Variants in DAZAP1 observed in about 807,000 individuals in gnomAD.
DAZAP1 encodes the protein DAZ associated protein 1, also known as DAZ-associated protein 1.
Under a neutral mutation model 60.1 loss-of-function variants are expected in DAZAP1, and 6 were observed. The observed-to-expected ratio is 0.10, with a 90% CI of 0.05 to 0.20. The LOEUF is 0.20. Among genes scored for constraint, DAZAP1 ranks in the 10% least tolerant of loss-of-function variants. DAZAP1 has a pLI of 1.00. For synonymous variants in DAZAP1, 235 were observed against 215.9 expected (o/e 1.09, Z -0.78); for missense variants, 366 against 560.4 (o/e 0.65, Z 3.50).
In DAZAP1 at chr19:1,407,783, T is replaced by C; in HGVS notation, c.10T>C (p.Ser4Pro). MNNSGADEIGKLFV... is the reference protein window; with the variant it reads MNNPGADEIGKLFV... ...CGCCGCCGCCGCCGCCATGAACAAC[T>C]CGGGCGCCGACGAGATCGGGTGAGG... The change falls in exon 1 of 12, where the codon TCG becomes CCG. Residue 4 changes from serine to proline, a missense_variant. Transcript: ENST00000233078. 3 of 1,079,184 alleles carry C rather than the reference T, an allele frequency of 2.8e-6. No homozygotes were observed. The highest frequency in any genetic ancestry group is 3.4e-6 in the Non-Finnish European group (3 of 891,456). 66.9% of individuals were successfully genotyped at this position (1,079,184 alleles called of 1,614,324 possible).
In DAZAP1 at chr19:1,423,138, C is replaced by T. The variant is rs1054315754; in HGVS notation, c.463+742C>T. 2.6e-5 allele frequency among the ~76,000 whole-genome samples: 4 copies of T among 152,346 alleles called. No homozygotes were observed. The highest frequency in any genetic ancestry group is 1.9e-4 in the East Asian group (1 of 5,176). On this transcript the variant is annotated intron_variant, in intron 6 of 11. Coordinates refer to ENST00000233078, the MANE Select transcript of DAZAP1 (RefSeq NM_018959.4). The surrounding 1 kb of genome is among the most constrained non-coding windows in gnomAD (Gnocchi z 6.8). The stretch of plus-strand genomic sequence containing the variant: ...CTGCCCGCCACGTCCGTGCCGCCCC[C>T]GCACCACCGGCCCAGGTCAGTCGGG...
intron 1 of DAZAP1, among the ~76,000 whole-genome samples, chr19:1,412,773 G>T (rs116658775): frequency 1.3e-5 from 2 of 152,208 alleles, no homozygotes; most frequent in African/African-American, 4.8e-5. Flanking sequence ...GGGTGGCTGC[G>T]CCGGCCACCG....
chr19:1,407,619 A>AGCCGCCGCCGCCGCCGCCGCCGCCGCC lies in DAZAP1; in HGVS notation c.-138_-112dup, dbSNP rs878911770. On this transcript the variant is annotated 5_prime_UTR_variant, in exon 1 of 12. Transcript: ENST00000233078. ...ACCGTTGGCGCCGAGGGGAGGAGGC[A>AGCCGCCGCCGCCGCCGCCGCCGCCGCC]GCCGCCGCCGCCGCCGCCGCCGCCG... The AGCCGCCGCCGCCGCCGCCGCCGCCGCC allele has an allele frequency of 2.5e-3, 598 of 236,038 alleles. 9 individuals carry two copies. Among genetic ancestry groups the AGCCGCCGCCGCCGCCGCCGCCGCCGCC allele is most frequent in the Admixed American group, 5.4e-3 (78 of 14,320 alleles). The allele number at this position is 236,038 out of a possible 1,614,324, so 14.6% of individuals were successfully genotyped here.
intron 1 of DAZAP1, among the ~76,000 whole-genome samples, chr19:1,415,581 G>A (rs1309526839): frequency 2.6e-5 from 4 of 151,534 alleles, no homozygotes; most frequent in Non-Finnish European, 4.4e-5. Flanking sequence ...CTGACTCAGC[G>A]CGGGCACAGC....
rs144505956 is a variant in DAZAP1 at position 1,431,420 on chromosome 19, C to T, written c.871+1058C>T. On this transcript the variant is annotated intron_variant, in intron 10 of 11. Transcript: ENST00000233078. ...CTGGGATTAGAAGCGTGAGCCACCG[C>T]GCCCGGACTATTTTATTTATTTTTT... Among the ~76,000 whole-genome samples, 647 of 152,106 alleles carry T rather than the reference C, an allele frequency of 4.3e-3. 1 individual carries two copies. The highest frequency in any genetic ancestry group is 5.7e-3 in the Admixed American group (87 of 15,268).
Position 1,435,026 on chromosome 19 carries a change from GGGGA to G in DAZAP1, c.*118_*121del, listed in dbSNP as rs1218831039. Reference sequence around the variant, plus strand: ...GACTCAACCTTGGGGGGGGGGGCGGGGGGAGGGCGCGAGGCTTTTGGAGCGGCTG... The same window carrying G: ...GACTCAACCTTGGGGGGGGGGGCGGGGGGCGCGAGGCTTTTGGAGCGGCTG... On this transcript the variant is annotated 3_prime_UTR_variant, in exon 12 of 12. Transcript: ENST00000233078. The G allele has an allele frequency of 5.7e-6, 1 of 175,808 alleles. No individual in the cohort carries two copies. Among genetic ancestry groups the G allele is most frequent in the African/African-American group, 2.8e-5 (1 of 35,270 alleles). The allele number at this position is 175,808 out of a possible 1,614,324, so 10.9% of individuals were successfully genotyped here.
At chr19:1,430,438 G>C in intron 10 of DAZAP1, 76 bp downstream of exon 10, 1 of 1,360,826 alleles carries the variant, frequency 7.3e-7, no homozygotes, top group Non-Finnish European at 9.8e-7. Flanking sequence ...GTGATGGGGA[G>C]TCTTGTGTTA....
chr19:1,407,739 G>T lies in DAZAP1; in HGVS notation c.-35G>T. ...TCCGGAGGCGGGAGCGAGCGAGGAG[G>T]CCCGGGAGCGCCGAGCGTCGCCGCC... On this transcript the variant is annotated 5_prime_UTR_variant, in exon 1 of 12. Transcript: ENST00000233078. 9.3e-7 allele frequency: 1 copy of T among 1,080,724 alleles called. No individual in the cohort carries two copies. The highest frequency in any genetic ancestry group is 1.7e-5 in the African/African-American group (1 of 58,682). The allele number at this position is 1,080,724 out of a possible 1,614,324, so 66.9% of individuals were successfully genotyped here. A position where few individuals can be genotyped will look rare whatever the true frequency, so the allele number is the denominator to read the frequency against.
In DAZAP1 at chr19:1,421,252, C is replaced by T. The variant is rs576889015; in HGVS notation, c.408C>T (p.Phe136=). ...AGCTCAGGGAATACTTCAAGAAGTT[C>T]GGAGTGGTGAGTTTCTCCCCACCCC... ...ETELREYFKK[F]GVVTEVVMIY... The change falls in exon 5 of 12, where the codon TTC becomes TTT. Residue 136 remains phenylalanine, a synonymous_variant. Transcript: ENST00000233078. The T allele has an allele frequency of 3.1e-5, 50 of 1,613,900 alleles. 1 individual carries two copies. The Middle Eastern group carries it at 5.0e-4, about 16-fold the overall frequency.
Position 1,432,555 on chromosome 19 carries a change from G to A in DAZAP1, c.913G>A (p.Ala305Thr). Reference protein sequence around the residue: ...GPPPPPPDQFAPPGVPPPPAT... With the variant: ...GPPPPPPDQFTPPGVPPPPAT... ...TCCACCTCCACCGCCAGATCAGTTT[G>A]CCCCTCCGGGGGTTCCTCCTCCACC... The change falls in exon 11 of 12, where the codon GCC (alanine) becomes ACC (threonine). Residue 305 changes from alanine to threonine, a missense_variant. Physicochemically the swap from Ala to Thr is moderately conservative, Grantham distance 58 (BLOSUM62 0). Around this residue, in one of 3 missense-constraint regions of DAZAP1, gnomAD observed 240 missense variants for 308.8 expected, o/e 0.78. Transcript: ENST00000233078. The surrounding 1 kb of genome is among the most constrained non-coding windows in gnomAD (Gnocchi z 4.9). 1.2e-6 allele frequency: 2 copies of A among 1,613,674 alleles called. No individual in the cohort carries two copies. The highest frequency in any genetic ancestry group is 2.2e-5 in the South Asian group (2 of 91,082).
chr19:1,417,199 C>T, intron 1 of DAZAP1: 3 of 456,558 alleles, frequency 6.6e-6, no homozygotes, highest in Non-Finnish European at 1.2e-5. Context: ...TGCAGGTGAG[C>T]GTGGTGCCGT....
intron 1 of DAZAP1, 183 bp from the exon 2 acceptor site, chr19:1,417,317 T>C: frequency 1.5e-6 from 1 of 685,046 alleles, no homozygotes; most frequent in South Asian, 1.6e-5. Flanking sequence ...ATCTTTCATG[T>C]CTGCAGACAG....
intron 1 of DAZAP1, chr19:1,410,224 G>C (rs943754465): frequency 6.6e-6 from 1 of 152,264 alleles, no homozygotes; most frequent in Admixed American, 6.5e-5. Context: ...CGGTGATAAC[G>C]GATGCCTTAC....
chr19:1,434,904 C>A lies in DAZAP1; in HGVS notation c.1216C>A (p.Arg406=), dbSNP rs2083558394. 1 of 1,481,368 alleles carries A rather than the reference C, an allele frequency of 6.8e-7. No individual in the cohort carries two copies. Among genetic ancestry groups the A allele is most frequent in the Non-Finnish European group, 9.0e-7 (1 of 1,116,042 alleles). The allele number at this position is 1,481,368 out of a possible 1,614,324, so 91.8% of individuals were successfully genotyped here. A position where few individuals can be genotyped will look rare whatever the true frequency, so the allele number is the denominator to read the frequency against. ...NHNVQGFHPY[R]R is the part of the protein sequence containing the mutation. Reference sequence around the variant, plus strand: ...CAACGTGCAAGGGTTCCACCCCTACCGACGCTAGCCCGCGGCGCCGCGACG... The same window carrying A: ...CAACGTGCAAGGGTTCCACCCCTACAGACGCTAGCCCGCGGCGCCGCGACG... The change falls in exon 12 of 12, where the codon CGA becomes AGA. Residue 406 remains arginine, a synonymous_variant. Coordinates refer to ENST00000233078, the MANE Select transcript of DAZAP1 (RefSeq NM_018959.4). This position sits in a 1 kb window ranked among gnomAD's most constrained non-coding sequence, Gnocchi z 8.0.
chr19:1,415,037 G>A (rs915931196), intron 1 of DAZAP1, among the ~76,000 whole-genome samples: 17 of 152,036 alleles, frequency 1.1e-4, no homozygotes, highest in Non-Finnish European at 2.5e-4. Context: ...GTAATGCTGT[G>A]ATTATAGGCG....
intron 4 of DAZAP1, 99 bp from the exon 5 acceptor site, chr19:1,421,049 T>C: frequency 1.1e-6 from 1 of 922,068 alleles, no homozygotes; most frequent in Non-Finnish European, 1.6e-6. Context: ...TTCAGCTGAC[T>C]CTTTAAACCA....
chr19:1,423,475 T>G lies in DAZAP1; in HGVS notation c.463+1079T>G, dbSNP rs1225584223. Among the ~76,000 whole-genome samples the G allele has an allele frequency of 6.6e-6, 1 of 152,246 alleles. No homozygotes were observed. ...ACACAGGTACAGGCCAGTCCCGCAGTCAGAGGAGGGAGCGGCTTTGCTCCA... is the reference window on the plus strand; with the variant it reads ...ACACAGGTACAGGCCAGTCCCGCAGGCAGAGGAGGGAGCGGCTTTGCTCCA... On this transcript the variant is annotated intron_variant, in intron 6 of 11. Transcript: ENST00000233078. This position sits in a 1 kb window ranked among gnomAD's most constrained non-coding sequence, Gnocchi z 6.8.
At chr19:1,420,390 C>T (rs1417659247) in intron 4 of DAZAP1, among the ~76,000 whole-genome samples, 2 of 151,562 alleles carry the variant, frequency 1.3e-5, no homozygotes, top group African/African-American at 4.9e-5. Context: ...GAAACCATCC[C>T]GACCGTCACG....
intron 1 of DAZAP1, among the ~76,000 whole-genome samples, chr19:1,409,077 C>G (rs1034303973): frequency 6.6e-6 from 1 of 152,226 alleles, no homozygotes. Context: ...CCTCCCCAGA[C>G]AAAACAAAAG....
Sources: allele counts gnomAD v4.1 joint callset (sites outside exome capture counted in the v4.1 genomes callset), GRCh38; gene constraint gnomAD v4.1.1; regional missense constraint gnomAD v4.1.1; non-coding constraint Gnocchi (gnomAD v3.1); transcripts MANE v1.5; gene names NCBI Gene and HGNC (gene_info 2026-07-23, HGNC 2026-07-21).